The following MTMR14 variants were observed in gnomAD, a reference collection of about 807,000 sequenced individuals.
MTMR14 encodes the protein myotubularin related protein 14.
Under a neutral mutation model 86.3 loss-of-function variants are expected in MTMR14, and 48 were observed. The ratio of observed to expected loss-of-function variants is 0.56; its 90% CI spans 0.44 to 0.71. MTMR14 has a LOEUF of 0.71. MTMR14 is among the 30% of genes least tolerant of loss of function. MTMR14 has a pLI of 0.00. For synonymous variants in MTMR14, 366 were observed against 326.1 expected, an observed-to-expected ratio of 1.12 and a Z score of -1.32; for missense variants, 780 against 834.6, an observed-to-expected ratio of 0.93 and a Z score of 0.81.
intron 3 of MTMR14, 26 bp downstream of exon 3, chr3:9,662,401 C>A: frequency 1.3e-6 from 2 of 1,572,694 alleles, no homozygotes; most frequent in Non-Finnish European, 1.8e-6. Flanking sequence ...TAGCTTCATG[C>A]TCCACGACTC....
chr3:9,661,037 C>A (rs2047900206), intron 2 of MTMR14, among the ~76,000 whole-genome samples: 1 of 152,166 alleles, frequency 6.6e-6, no homozygotes. Flanking sequence ...ACCTCACTCT[C>A]AAGTTCTAGA....
intron 2 of MTMR14, chr3:9,659,741 C>T (rs1450702589): frequency 2.2e-6 from 1 of 456,284 alleles, no homozygotes; most frequent in Non-Finnish European, 4.4e-6. Flanking sequence ...TGTGCCTGGC[C>T]AGAAACTGAA....
chr3:9,696,377 G>A (rs1443305665), intron 17 of MTMR14, among the ~76,000 whole-genome samples: 7 of 152,130 alleles, frequency 4.6e-5, no homozygotes, highest in African/African-American at 1.7e-4. Flanking sequence ...GGTGGCGGGC[G>A]TCTGTAATCC....
intron 3 of MTMR14, among the ~76,000 whole-genome samples, chr3:9,666,226 C>CA (rs2048251607): frequency 6.6e-6 from 1 of 151,480 alleles, no homozygotes; most frequent in Non-Finnish European, 1.5e-5. Context: ...CTCTGCCTCC[C>CA]AGGCTCTAGC....
chr3:9,697,997 A>G, intron 18 of MTMR14, 131 bp downstream of exon 18: 1 of 1,311,634 alleles, frequency 7.6e-7, no homozygotes, highest in South Asian at 1.2e-5. Context: ...CCCCTCTCTC[A>G]GCTGCTGGAC....
intron 9 of MTMR14, among the ~76,000 whole-genome samples, chr3:9,679,356 TAAAAG>T (rs1448355928): frequency 6.6e-6 from 1 of 152,208 alleles, no homozygotes; most frequent in African/African-American, 2.4e-5. Context: ...ACTGAGTAGA[TAAAAG>T]AACCGGCAGG....
At position 9,669,504 on chromosome 3, in the gene MTMR14, G is replaced by A. The variant is rs1272995588; in HGVS notation, c.554+12G>A. The A allele has an allele frequency of 1.2e-6, 2 of 1,611,716 alleles. No individual in the cohort carries two copies. Among genetic ancestry groups the A allele is most frequent in the East Asian group, 2.2e-5 (1 of 44,730 alleles). Reference sequence around the variant, plus strand: ...GACTGTGCTCTTCGGTCAGTGCTGGGTTGCTGTGGTCAGGGGCTTGTGTTG... The same window carrying A: ...GACTGTGCTCTTCGGTCAGTGCTGGATTGCTGTGGTCAGGGGCTTGTGTTG... On this transcript the variant is annotated intron_variant, in intron 5 of 18. Transcript: ENST00000296003.
Position 9,697,699 on chromosome 3 carries a change from T to C in MTMR14, c.1614-12T>C. 1.2e-6 allele frequency: 2 copies of C among 1,613,258 alleles called. No individual in the cohort carries two copies. The highest frequency in any genetic ancestry group is 1.7e-6 in the Non-Finnish European group (2 of 1,179,514). ...ACTGCATCCTCTCCCCTCTCTCTCCTCTCTGCCCCAGATCAGTGGACCATC... is the reference window on the plus strand; with the variant it reads ...ACTGCATCCTCTCCCCTCTCTCTCCCCTCTGCCCCAGATCAGTGGACCATC... On this transcript the variant is annotated splice_polypyrimidine_tract_variant and intron_variant, in intron 17 of 18. Coordinates refer to ENST00000296003, the MANE Select transcript of MTMR14 (RefSeq NM_001077525.3).
chr3:9,659,959 G>A, intron 2 of MTMR14: 1 of 412,764 alleles, frequency 2.4e-6, no homozygotes, highest in East Asian at 7.1e-5. Flanking sequence ...AAAATCAGAT[G>A]TAGGCATTTA....
chr3:9,700,509 C>T (rs1321382227), intron 18 of MTMR14: 2 of 151,684 alleles, frequency 1.3e-5, no homozygotes, highest in South Asian at 2.1e-4. Flanking sequence ...GAGTTGTGCG[C>T]ACTTGTTTCC....
intron 17 of MTMR14, among the ~76,000 whole-genome samples, chr3:9,696,218 C>T (rs1171348527): frequency 6.6e-6 from 1 of 152,212 alleles, no homozygotes. Flanking sequence ...CTCTTCTCAG[C>T]CGGGCGCACT....
In MTMR14 at chr3:9,697,737, C is replaced by T. The variant is rs951567885; in HGVS notation, c.1640C>T (p.Ser547Phe). 1 of 1,613,982 alleles carries T rather than the reference C, an allele frequency of 6.2e-7. No individual in the cohort carries two copies. Among genetic ancestry groups the T allele is most frequent in the African/African-American group, 1.3e-5 (1 of 74,884 alleles). The change falls in exon 18 of 19, where the codon TCC becomes TTC. Residue 547 changes from serine to phenylalanine, a missense_variant. Coordinates refer to ENST00000296003, the MANE Select transcript of MTMR14 (RefSeq NM_001077525.3). ...PRSVDHPLPG[S>F]SLSTDYGSWQ... ...TCAGTGGACCATCCCCTGCCCGGAT[C>T]CTCTCTCTCCACAGACTATGGCAGC...
chr3:9,662,221 C>T (rs1422773835), intron 2 of MTMR14, 46 bp from the exon 3 acceptor site: 1 of 1,460,414 alleles, frequency 6.8e-7, no homozygotes. Flanking sequence ...ACACAAAGTG[C>T]CCACTTCAAA....
intron 5 of MTMR14, 54 bp downstream of exon 5, chr3:9,669,546 C>G (rs1196840535): frequency 4.5e-6 from 7 of 1,558,804 alleles, no homozygotes; most frequent in Non-Finnish European, 6.1e-6. Context: ...GGGTGTCTGG[C>G]CAGAGATGGC....
chr3:9,685,349 A>G (rs1039544683), intron 13 of MTMR14, 102 bp downstream of exon 13: 2 of 1,393,514 alleles, frequency 1.4e-6, no homozygotes, highest in Non-Finnish European at 2.0e-6. Context: ...TCCTTGCCCC[A>G]GGTGTGCAGG....
At chr3:9,673,798 A>G (rs2048703622) in intron 7 of MTMR14, among the ~76,000 whole-genome samples, 1 of 152,100 alleles carries the variant, frequency 6.6e-6, no homozygotes, top group African/African-American at 2.4e-5. Flanking sequence ...TGCTTATTTA[A>G]GAGTGAAGTG....
chr3:9,649,767 G>A, intron 1 of MTMR14, 25 bp downstream of exon 1: 4 of 1,612,620 alleles, frequency 2.5e-6, no homozygotes, highest in East Asian at 2.2e-5. Context: ...GCGATGAGCT[G>A]GGGAAGGCTC....
At chr3:9,675,598 T>C in intron 7 of MTMR14, 1 of 457,384 alleles carries the variant, frequency 2.2e-6, no homozygotes, top group Admixed American at 2.3e-5. Context: ...GTTTCCTCCT[T>C]GAGTGAATGG....
At chr3:9,686,423 C>T (rs944311208) in intron 13 of MTMR14, among the ~76,000 whole-genome samples, 3 of 152,178 alleles carry the variant, frequency 2.0e-5, no homozygotes, top group Non-Finnish European at 2.9e-5. Flanking sequence ...GAGCCCTTGG[C>T]ATCTCTCCAT....
Sources: gnomAD v4.1 joint callset for allele counts (sites outside exome capture counted in the v4.1 genomes callset) on GRCh38, gnomAD v4.1.1 for gene constraint, MANE v1.5 for transcripts, NCBI Gene and HGNC (gene_info 2026-07-23, HGNC 2026-07-21) for gene names.